Variants in NBEA observed in about 807,000 individuals in gnomAD.
NBEA encodes lysosomal-trafficking regulator 2.
A neutral mutation model predicts 343.4 loss-of-function variants in NBEA; 44 were observed. The ratio of observed to expected loss-of-function variants is 0.13; its 90% CI spans 0.10 to 0.16. The LOEUF is 0.16. Among genes scored for constraint, NBEA ranks in the 10% least tolerant of loss-of-function variants. The pLI is 1.00. For synonymous variants in NBEA, 1,175 were observed against 1,238.7 expected, an observed-to-expected ratio of 0.95 and a Z score of 1.08; for missense variants, 2,555 against 3,631.3, an observed-to-expected ratio of 0.70 and a Z score of 7.62.
intron 35 of NBEA, among the ~76,000 whole-genome samples, chr13:35,292,927 G>A (rs959842001): frequency 6.6e-6 from 1 of 151,908 alleles, no homozygotes; most frequent in African/African-American, 2.4e-5. Context: ...GTATTAAAAA[G>A]GGAAAAGAAA....
At chr13:34,970,355 T>A (rs2059959957) in intron 1 of NBEA, among the ~76,000 whole-genome samples, 1 of 152,144 alleles carries the variant, frequency 6.6e-6, no homozygotes, top group Non-Finnish European at 1.5e-5. Flanking sequence ...GTTGTCTGTT[T>A]ACCCTGTTGA....
chr13:35,644,629 G>A (rs1272706000), intron 49 of NBEA, among the ~76,000 whole-genome samples: 1 of 152,192 alleles, frequency 6.6e-6, no homozygotes, highest in Non-Finnish European at 1.5e-5. Context: ...TGTTGTTAGA[G>A]AGACGTTTAG....
chr13:35,130,781 A>C (rs577796035), intron 17 of NBEA, among the ~76,000 whole-genome samples: 5 of 152,210 alleles, frequency 3.3e-5, no homozygotes, highest in African/African-American at 1.2e-4. Context: ...AATTTAAACA[A>C]ATTGTCATAC....
chr13:35,500,119 A>G (rs1430558026), intron 41 of NBEA, among the ~76,000 whole-genome samples: 1 of 152,082 alleles, frequency 6.6e-6, no homozygotes, highest in Non-Finnish European at 1.5e-5. Context: ...TTAGATTTTT[A>G]ACTTAAGTGA....
chr13:35,334,166 G>A (rs2039102249), intron 36 of NBEA, among the ~76,000 whole-genome samples: 1 of 152,052 alleles, frequency 6.6e-6, no homozygotes, highest in African/African-American at 2.4e-5. Flanking sequence ...CCCACAAACA[G>A]TGTATGAGGG....
intron 36 of NBEA, among the ~76,000 whole-genome samples, chr13:35,347,248 G>C (rs1008412637): frequency 1.3e-5 from 2 of 151,968 alleles, no homozygotes; most frequent in African/African-American, 4.8e-5. Flanking sequence ...TATTTAGTAA[G>C]TACAGAAATT....
At chr13:35,363,855 T>C (rs1204873859) in intron 38 of NBEA, among the ~76,000 whole-genome samples, 1 of 151,912 alleles carries the variant, frequency 6.6e-6, no homozygotes, top group Non-Finnish European at 1.5e-5. Context: ...AACATAAATC[T>C]CACTTTAGGT....
intron 33 of NBEA, among the ~76,000 whole-genome samples, chr13:35,220,681 T>C (rs2074313049): frequency 1.3e-5 from 2 of 152,168 alleles, no homozygotes; most frequent in Admixed American, 1.3e-4. Flanking sequence ...TTTACTATGA[T>C]GTTTTCAGGC....
intron 39 of NBEA, 57 bp downstream of exon 39, chr13:35,432,450 G>T: frequency 7.0e-7 from 1 of 1,431,168 alleles, no homozygotes; most frequent in Non-Finnish European, 9.3e-7. Context: ...GACTCCTTGT[G>T]TTTGAGAATT....
intron 47 of NBEA, among the ~76,000 whole-genome samples, chr13:35,601,018 A>G (rs1387214441): frequency 2.0e-5 from 3 of 152,150 alleles, no homozygotes. Flanking sequence ...CTGTACTAAA[A>G]ATACAAAAAT....
chr13:35,562,282 T>C (rs1005653622), intron 44 of NBEA, among the ~76,000 whole-genome samples: 3 of 152,118 alleles, frequency 2.0e-5, no homozygotes, highest in Non-Finnish European at 4.4e-5. Flanking sequence ...CTACTAAAAA[T>C]GTGGTTTCAA....
intron 5 of NBEA, among the ~76,000 whole-genome samples, chr13:35,048,968 T>G (rs1299056108): frequency 6.6e-6 from 1 of 151,876 alleles, no homozygotes; most frequent in Non-Finnish European, 1.5e-5. Context: ...GTATATCAGT[T>G]GTGGGATTTT....
intron 17 of NBEA, among the ~76,000 whole-genome samples, chr13:35,126,935 A>G (rs1388977295): frequency 6.6e-6 from 1 of 151,238 alleles, no homozygotes; most frequent in Non-Finnish European, 1.5e-5. Context: ...AAAAAAAAAA[A>G]GCCAAAATAA....
chr13:35,181,547 T>C (rs1422076517), intron 28 of NBEA, among the ~76,000 whole-genome samples: 2 of 151,778 alleles, frequency 1.3e-5, no homozygotes, highest in African/African-American at 4.8e-5. Context: ...TCCTTGTAGA[T>C]TGTGGCTATT....
intron 17 of NBEA, among the ~76,000 whole-genome samples, chr13:35,125,480 G>T (rs960890464): frequency 3.9e-5 from 6 of 152,254 alleles, no homozygotes; most frequent in Middle Eastern, 3.4e-3. Context: ...TTTCAGAAAA[G>T]GAGAAGATAT....
chr13:35,326,926 C>G (rs2038601983), intron 36 of NBEA, among the ~76,000 whole-genome samples: 2 of 151,860 alleles, frequency 1.3e-5, no homozygotes. Context: ...AGAACTTAAA[C>G]AAATCAACAA....
At chr13:35,256,940 G>A (rs1324133419) in intron 34 of NBEA, among the ~76,000 whole-genome samples, 1 of 152,176 alleles carries the variant, frequency 6.6e-6, no homozygotes, top group Non-Finnish European at 1.5e-5. Context: ...CGGGAGCCTG[G>A]GACTCCTGCC....
At chr13:35,487,823 C>T (rs1316037173) in intron 41 of NBEA, among the ~76,000 whole-genome samples, 2 of 151,864 alleles carry the variant, frequency 1.3e-5, no homozygotes, top group African/African-American at 4.8e-5. Flanking sequence ...TCAGCTATTA[C>T]ACCTTTGGCA....
chr13:35,274,669 C>T (rs568475006), intron 34 of NBEA, among the ~76,000 whole-genome samples: 1 of 152,196 alleles, frequency 6.6e-6, no homozygotes, highest in Non-Finnish European at 1.5e-5. Context: ...AGCAAAGACT[C>T]AGGTACAAAA....
Sources: gnomAD v4.1 joint callset for allele counts (sites outside exome capture counted in the v4.1 genomes callset) on GRCh38, gnomAD v4.1.1 for gene constraint, MANE v1.5 for transcripts, NCBI Gene and HGNC (gene_info 2026-07-23, HGNC 2026-07-21) for gene names.